ADAMTS2: variants seen among roughly 807,000 people sequenced by gnomAD.
ADAMTS2 encodes the protein ADAM metallopeptidase with thrombospondin type 1 motif 2.
A neutral mutation model predicts 123.0 loss-of-function variants in ADAMTS2; 50 were observed. The observed-to-expected ratio is 0.41, with a 90% CI of 0.32 to 0.51. The LOEUF (loss-of-function observed/expected upper bound fraction) is 0.51, where lower values mean the gene tolerates loss of function less well. ADAMTS2 is among the 20% of genes least tolerant of loss of function. ADAMTS2 has a pLI of 0.35. For synonymous variants in ADAMTS2, 678 were observed against 695.4 expected (o/e 0.98, Z 0.39); for missense variants, 1,494 against 1,705.2 (o/e 0.88, Z 2.18).
chr5:179,169,511 T>G (rs1763773731), intron 5 of ADAMTS2, among the ~76,000 whole-genome samples: 1 of 152,204 alleles, frequency 6.6e-6, no homozygotes, highest in Admixed American at 6.5e-5. Context: ...TGGAGGATGA[T>G]GTGGGTGGGC....
rs530679111 is a variant in ADAMTS2 at position 179,175,298 on chromosome 5, C to T, written c.975+5774G>A. Among the ~76,000 whole-genome samples the T allele has an allele frequency of 4.2e-3, 638 of 152,068 alleles. 5 individuals are homozygous for T. The highest frequency in any genetic ancestry group is 0.014 in the African/African-American group (601 of 41,460). On this transcript the variant is annotated intron_variant, in intron 5 of 21. Coordinates refer to ENST00000251582, the MANE Select transcript of ADAMTS2 (RefSeq NM_014244.5). This position sits in a 1 kb window ranked among gnomAD's most constrained non-coding sequence, Gnocchi z 4.1. The stretch of plus-strand genomic sequence containing the variant: ...GGATGTCTCTTCCTTGCTTGGGTTC[C>T]GCAGCTGTCTCAGCCATTCTTGACC...
chr5:179,252,532 G>A (rs545776486), intron 3 of ADAMTS2, among the ~76,000 whole-genome samples: 2 of 152,134 alleles, frequency 1.3e-5, no homozygotes, highest in East Asian at 3.9e-4. Context: ...TTTGACCCAT[G>A]AATTATTTAA....
intron 2 of ADAMTS2, among the ~76,000 whole-genome samples, chr5:179,281,464 C>T (rs1271309821): frequency 6.6e-6 from 1 of 152,154 alleles, no homozygotes; most frequent in Non-Finnish European, 1.5e-5. Flanking sequence ...TTGTGACTGG[C>T]TTCCTTCACT....
At chr5:179,277,319 A>ACCCC (rs139978660) in intron 2 of ADAMTS2, among the ~76,000 whole-genome samples, 2 of 62,664 alleles carry the variant, frequency 3.2e-5, no homozygotes, top group African/African-American at 1.2e-4. Flanking sequence ...CCAAAGGCTG[A>ACCCC]CACCCCGAGA....
intron 13 of ADAMTS2, among the ~76,000 whole-genome samples, chr5:179,134,453 G>A (rs541025401): frequency 7.2e-5 from 11 of 152,266 alleles, no homozygotes; most frequent in Non-Finnish European, 1.3e-4. Flanking sequence ...CTAAACTCCA[G>A]AGCCCACTGG....
intron 3 of ADAMTS2, among the ~76,000 whole-genome samples, chr5:179,270,213 A>G (rs1192521309): frequency 2.0e-5 from 3 of 152,040 alleles, no homozygotes; most frequent in Non-Finnish European, 4.4e-5. Context: ...AGTCCCCGAG[A>G]TCACCCTGAG....
In ADAMTS2 at chr5:179,345,234, GGCGGCGGCGGCAGGA is replaced by G. The variant is rs1041304220; in HGVS notation, c.80_94del (p.Leu27_Pro31del). On this transcript the variant is annotated inframe_deletion, in exon 1 of 22. Transcript: ENST00000251582. The surrounding 1 kb of genome is among the most constrained non-coding windows in gnomAD (Gnocchi z 7.5). ...GGCGAGCCTGGCGTTCGCGGGCGGC[GGCGGCGGCGGCAGGA>G]GCGGCGGCGGCAGCAGCAGCAGCAG... The G allele has an allele frequency of 2.6e-5, 30 of 1,142,842 alleles. No individual in the cohort carries two copies. In the Admixed American group the frequency reaches 3.9e-4, roughly 15 times the overall value. The allele number at this position is 1,142,842 out of a possible 1,614,324, so 70.8% of individuals were successfully genotyped here.
intron 3 of ADAMTS2, among the ~76,000 whole-genome samples, chr5:179,213,993 A>G (rs550721281): frequency 9.8e-5 from 15 of 152,326 alleles, no homozygotes; most frequent in African/African-American, 3.6e-4. Context: ...TTCAAACCCA[A>G]CAGCCAGAAC....
chr5:179,149,991 G>T (rs2113241068), intron 10 of ADAMTS2, among the ~76,000 whole-genome samples: 1 of 152,310 alleles, frequency 6.6e-6, no homozygotes, highest in Admixed American at 6.5e-5. Context: ...GTGAGGTGGG[G>T]ACACTTCGGT....
At chr5:179,212,007 G>A (rs572789088) in intron 3 of ADAMTS2, among the ~76,000 whole-genome samples, 28 of 152,336 alleles carry the variant, frequency 1.8e-4, no homozygotes, top group African/African-American at 5.1e-4. Flanking sequence ...GTGGGCACGC[G>A]CCCAGGCCTC....
At chr5:179,126,279 G>T in intron 17 of ADAMTS2, 149 bp from the exon 18 acceptor site, 1 of 1,168,908 alleles carries the variant, frequency 8.6e-7, no homozygotes, top group Non-Finnish European at 1.2e-6. Context: ...CGAGCCTGCG[G>T]CTGGCTGGGG....
In ADAMTS2 at chr5:179,258,781, G is replaced by A. The variant is rs529471826; in HGVS notation, c.688+14130C>T. Among the ~76,000 whole-genome samples the A allele has an allele frequency of 1.2e-4, 18 of 152,224 alleles. No individual in the cohort carries two copies. The South Asian group carries it at 3.5e-3, about 30-fold the overall frequency. On this transcript the variant is annotated intron_variant, in intron 3 of 21. Transcript: ENST00000251582. ...CCAGACAGGGGTGGAGCTGTCACAG[G>A]CAGCCGGGTGGGGCTGTGATCTGGG...
intron 2 of ADAMTS2, among the ~76,000 whole-genome samples, chr5:179,284,264 G>C (rs1755935139): frequency 6.6e-6 from 1 of 151,094 alleles, no homozygotes; most frequent in Non-Finnish European, 1.5e-5. Flanking sequence ...AGGAGGCTGA[G>C]GTTGCAGTGA....
intron 2 of ADAMTS2, among the ~76,000 whole-genome samples, chr5:179,319,936 T>A (rs943710947): frequency 6.6e-6 from 1 of 152,202 alleles, no homozygotes; most frequent in Non-Finnish European, 1.5e-5. Flanking sequence ...ACTCCTAATG[T>A]AGGAAGACTG....
intron 3 of ADAMTS2, among the ~76,000 whole-genome samples, chr5:179,230,876 TG>T (rs1765396569): frequency 6.6e-6 from 1 of 151,872 alleles, no homozygotes; most frequent in Admixed American, 6.6e-5. Context: ...CCGGGCATGG[TG>T]GTGGGCGCCT....
At chr5:179,135,727 C>T (rs977628238) in intron 13 of ADAMTS2, among the ~76,000 whole-genome samples, 182 bp downstream of exon 13, 2 of 152,190 alleles carry the variant, frequency 1.3e-5, no homozygotes, top group Non-Finnish European at 2.9e-5. Context: ...GTCTCAGGCT[C>T]CCAGCACAGG....
At chr5:179,263,151 C>T in intron 3 of ADAMTS2, among the ~76,000 whole-genome samples, 1 of 1,994 alleles carries the variant, frequency 5.0e-4, no homozygotes, top group Non-Finnish European at 8.0e-4. Flanking sequence ...TGGGGAGCAG[C>T]ATTATTCCCC....
intron 3 of ADAMTS2, among the ~76,000 whole-genome samples, chr5:179,263,764 A>C (rs1022772715): frequency 2.0e-5 from 3 of 152,248 alleles, no homozygotes; most frequent in African/African-American, 7.2e-5. Flanking sequence ...GAAGGAGAGA[A>C]AAATGAAGCC....
At chr5:179,127,882 C>T (rs1762885764) in intron 17 of ADAMTS2, 77 bp downstream of exon 17, 2 of 1,594,744 alleles carry the variant, frequency 1.3e-6, no homozygotes, top group Non-Finnish European at 1.7e-6. Flanking sequence ...TCACGCTGGC[C>T]CCACCCCAGG....
Sources: gnomAD v4.1 joint callset for allele counts (sites outside exome capture counted in the v4.1 genomes callset) on GRCh38, gnomAD v4.1.1 for gene constraint, Gnocchi (gnomAD v3.1) non-coding constraint, MANE v1.5 for transcripts, NCBI Gene and HGNC (gene_info 2026-07-23, HGNC 2026-07-21) for gene names.